TMEM135: variants seen among roughly 807,000 people sequenced by gnomAD.
TMEM135 encodes the protein transmembrane protein 135.
Under a neutral mutation model 60.3 loss-of-function variants are expected in TMEM135, and 30 were observed. The observed-to-expected ratio is 0.50, with a 90% CI of 0.37 to 0.68. The LOEUF is 0.68. Ranked by LOEUF, TMEM135 falls within the 30% of genes least tolerant of loss-of-function variation. The pLI is 0.00. For synonymous variants in TMEM135, 190 were observed against 186.7 expected (o/e 1.02, Z -0.14); for missense variants, 468 against 548.8 (o/e 0.85, Z 1.47).
intron 4 of TMEM135, among the ~76,000 whole-genome samples, chr11:87,133,429 A>G (rs942426161): frequency 6.6e-6 from 1 of 152,126 alleles, no homozygotes; most frequent in Non-Finnish European, 1.5e-5. Flanking sequence ...GATGCCTTCT[A>G]TTACTGTAGA....
chr11:87,115,831 C>A (rs1857865095), intron 4 of TMEM135, among the ~76,000 whole-genome samples: 1 of 152,002 alleles, frequency 6.6e-6, no homozygotes, highest in Non-Finnish European at 1.5e-5. Flanking sequence ...CATTATTGGG[C>A]TGATCATGTT....
intron 4 of TMEM135, among the ~76,000 whole-genome samples, chr11:87,149,104 AT>A (rs1420781085): frequency 1.3e-5 from 2 of 151,366 alleles, no homozygotes; most frequent in East Asian, 3.9e-4. Context: ...CTTATTTCTC[AT>A]TTAAAAAAAG....
intron 6 of TMEM135, among the ~76,000 whole-genome samples, chr11:87,261,773 C>T (rs1173895859): frequency 1.3e-5 from 2 of 152,058 alleles, no homozygotes; most frequent in Admixed American, 6.5e-5. Flanking sequence ...ATGTGTGCAC[C>T]ACCACTCCTG....
chr11:87,208,444 A>C (rs990834607), intron 5 of TMEM135, among the ~76,000 whole-genome samples: 2 of 152,316 alleles, frequency 1.3e-5, no homozygotes, highest in Non-Finnish European at 2.9e-5. Context: ...ATGGTAGAAT[A>C]GACCAAGCTG....
chr11:87,092,727 C>G (rs1211966536), intron 4 of TMEM135, among the ~76,000 whole-genome samples: 3 of 113,318 alleles, frequency 2.6e-5, no homozygotes, highest in Non-Finnish European at 5.5e-5. Context: ...TAATGACAAT[C>G]TTGCTGGGTA....
intron 4 of TMEM135, among the ~76,000 whole-genome samples, chr11:87,123,459 C>T (rs1454835568): frequency 2.6e-5 from 4 of 152,268 alleles, no homozygotes; most frequent in African/African-American, 9.6e-5. Flanking sequence ...TATAAAGACA[C>T]CTGTCATTGG....
chr11:87,324,104 C>T lies in TMEM135; in HGVS notation c.*2771C>T, dbSNP rs992168226. On this transcript the variant is annotated 3_prime_UTR_variant, in exon 15 of 15. Transcript: ENST00000305494. ...TGTCACACAGTATTTTCTTGTTGTG[C>T]TCGAGTGTTCGTCTCCTTGTAGATT... The T allele has an allele frequency of 1.1e-5, 5 of 453,876 alleles. No individual in the cohort carries two copies. The highest frequency in any genetic ancestry group is 6.0e-5 in the African/African-American group (3 of 49,962). The allele number at this position is 453,876 out of a possible 1,614,324, so 28.1% of individuals were successfully genotyped here.
intron 8 of TMEM135, among the ~76,000 whole-genome samples, chr11:87,304,146 G>T (rs1410953434): frequency 6.6e-6 from 1 of 152,176 alleles, no homozygotes; most frequent in East Asian, 1.9e-4. Context: ...TGAGGTAGGA[G>T]AATCACTTGA....
At chr11:87,299,487 C>T (rs577778994) in intron 7 of TMEM135, among the ~76,000 whole-genome samples, 5 of 152,268 alleles carry the variant, frequency 3.3e-5, no homozygotes, top group African/African-American at 7.2e-5. Context: ...GATTACAACT[C>T]GAGATGAGAT....
At chr11:87,047,679 CG>C (rs1244787012) in intron 1 of TMEM135, among the ~76,000 whole-genome samples, 1 of 120,722 alleles carries the variant, frequency 8.3e-6, no homozygotes, top group African/African-American at 3.5e-5. Flanking sequence ...CACGGAATCT[CG>C]CTGATTGCTA....
At chr11:87,045,028 GTTTTTA>G (rs1315393629) in intron 1 of TMEM135, among the ~76,000 whole-genome samples, 6 of 151,294 alleles carry the variant, frequency 4.0e-5, no homozygotes, top group African/African-American at 1.5e-4. Context: ...TGTTGAAGGT[GTTTTTA>G]TTTTTATTTT....
At chr11:87,241,940 G>A (rs530222057) in intron 6 of TMEM135, among the ~76,000 whole-genome samples, 38 of 152,038 alleles carry the variant, frequency 2.5e-4, no homozygotes, top group African/African-American at 8.7e-4. Flanking sequence ...GTGCCATGCT[G>A]ATGTGCTGCA....
At chr11:87,043,805 T>C (rs894025916) in intron 1 of TMEM135, among the ~76,000 whole-genome samples, 7 of 152,100 alleles carry the variant, frequency 4.6e-5, no homozygotes, top group Admixed American at 4.6e-4. Flanking sequence ...GCCCTTGTTT[T>C]TGTGGCAAAT....
At chr11:87,064,586 T>C (rs2445572) in intron 1 of TMEM135, among the ~76,000 whole-genome samples, 70,866 of 152,016 alleles carry the variant, frequency 0.47, 17,305 homozygotes, top group East Asian at 0.64. Flanking sequence ...TTTGTCATTT[T>C]AAGAATGTTA....
intron 5 of TMEM135, among the ~76,000 whole-genome samples, chr11:87,187,923 C>T (rs1413786779): frequency 6.6e-6 from 1 of 152,128 alleles, no homozygotes; most frequent in Non-Finnish European, 1.5e-5. Flanking sequence ...ATTAAATCTT[C>T]TTAGACTATA....
chr11:87,112,265 C>G (rs148727059), intron 4 of TMEM135, among the ~76,000 whole-genome samples: 1 of 152,096 alleles, frequency 6.6e-6, no homozygotes, highest in African/African-American at 2.4e-5. Context: ...ATTACTTGTA[C>G]TTTTAGGAAT....
intron 9 of TMEM135, 121 bp from the exon 10 acceptor site, chr11:87,309,384 T>G: frequency 1.1e-6 from 1 of 948,096 alleles, no homozygotes; most frequent in Non-Finnish European, 1.7e-6. Flanking sequence ...TATTTTGCTG[T>G]GCTATAAACT....
Position 87,325,236 on chromosome 11 carries a change from G to A in TMEM135, c.*3903G>A, listed in dbSNP as rs560399015. ...GTAATAGCCCTGTAGTTGCAAAAAG[G>A]GTAACTACAAAGAAATGAAACTGAC... On this transcript the variant is annotated 3_prime_UTR_variant, in exon 15 of 15. Transcript: ENST00000305494. 2.2e-6 allele frequency: 1 copy of A among 453,986 alleles called. No homozygotes were observed. The highest frequency in any genetic ancestry group is 1.6e-5 in the South Asian group (1 of 64,466). The allele number at this position is 453,986 out of a possible 1,614,324, so 28.1% of individuals were successfully genotyped here.
chr11:87,233,421 A>G (rs930725252), intron 5 of TMEM135, among the ~76,000 whole-genome samples: 2 of 152,092 alleles, frequency 1.3e-5, no homozygotes, highest in African/African-American at 4.8e-5. Flanking sequence ...AAACTACAAG[A>G]GAGCTAACAT....
Sources: allele counts gnomAD v4.1 joint callset (sites outside exome capture counted in the v4.1 genomes callset), GRCh38; gene constraint gnomAD v4.1.1; transcripts MANE v1.5; gene names NCBI Gene and HGNC (gene_info 2026-07-23, HGNC 2026-07-21).